Variants in SPATA13 observed in about 807,000 individuals in gnomAD.
SPATA13 encodes the protein spermatogenesis-associated protein 13.
A neutral mutation model predicts 104.0 loss-of-function variants in SPATA13; 50 were observed. The observed-to-expected ratio is 0.48, with a 90% CI of 0.38 to 0.61. SPATA13 has a LOEUF of 0.61. SPATA13 is among the 20% of genes least tolerant of loss of function. The pLI, the probability that SPATA13 is intolerant of heterozygous loss-of-function variation, is 0.00. For missense variants in SPATA13, 1,524 were observed against 1,690.6 expected (o/e 0.90, Z 1.73); for synonymous variants, 606 against 667.5 (o/e 0.91, Z 1.42).
At chr13:23,994,041 T>C (rs1006625568) in intron 2 of SPATA13, among the ~76,000 whole-genome samples, 2 of 151,284 alleles carry the variant, frequency 1.3e-5, no homozygotes, top group East Asian at 3.9e-4. Context: ...TTCTCAATTA[T>C]GAAGTGATTG....
At chr13:24,035,313 C>G (rs960778311) in intron 3 of SPATA13, among the ~76,000 whole-genome samples, 4 of 152,166 alleles carry the variant, frequency 2.6e-5, no homozygotes, top group African/African-American at 9.7e-5. Context: ...CACCAACACA[C>G]CCAGCTAATT....
chr13:24,278,693 C>G (rs746972694), intron 4 of SPATA13: 29 of 1,543,178 alleles, frequency 1.9e-5, no homozygotes, highest in Non-Finnish European at 2.3e-5. Flanking sequence ...TATAAACAAC[C>G]CTGAGAGATG....
At chr13:24,002,183 C>CA (rs1876008289) in intron 2 of SPATA13, among the ~76,000 whole-genome samples, 1 of 152,048 alleles carries the variant, frequency 6.6e-6, no homozygotes, top group South Asian at 2.1e-4. Context: ...CATTTACAAG[C>CA]AGAGGTCTAA....
intron 2 of SPATA13, among the ~76,000 whole-genome samples, chr13:24,231,576 T>C (rs934476299): frequency 1.3e-5 from 2 of 152,214 alleles, no homozygotes; most frequent in African/African-American, 4.8e-5. Flanking sequence ...TACATACAAG[T>C]CCTTGGGTGG....
chr13:24,270,796 G>A, intron 4 of SPATA13: 1 of 1,611,678 alleles, frequency 6.2e-7, no homozygotes, highest in Non-Finnish European at 8.5e-7. Context: ...TGATGCTTGG[G>A]GACCGGCTCC....
chr13:24,113,653 C>G (rs1034019740), intron 3 of SPATA13, among the ~76,000 whole-genome samples: 1 of 151,372 alleles, frequency 6.6e-6, no homozygotes. Flanking sequence ...AGGCAGATCA[C>G]GAGGTCAGGA....
chr13:24,022,051 CTTTT>C (rs780493002), intron 3 of SPATA13, among the ~76,000 whole-genome samples: 2 of 130,856 alleles, frequency 1.5e-5, no homozygotes, highest in Non-Finnish European at 3.3e-5. Flanking sequence ...TCTTTTCTTT[CTTTT>C]TTTTTTTTTT....
intron 1 of SPATA13, among the ~76,000 whole-genome samples, chr13:24,212,673 T>C (rs1284130660): frequency 1.3e-5 from 2 of 152,186 alleles, no homozygotes; most frequent in Non-Finnish European, 2.9e-5. Context: ...CATTGATTTT[T>C]AAATTAAGTT....
intron 3 of SPATA13, among the ~76,000 whole-genome samples, chr13:24,134,425 G>A (rs1005240439): frequency 6.6e-6 from 1 of 152,184 alleles, no homozygotes; most frequent in African/African-American, 2.4e-5. Flanking sequence ...TATCACAGAG[G>A]CAGATGGGTG....
chr13:24,219,746 G>C (rs1249968004), intron 1 of SPATA13, among the ~76,000 whole-genome samples: 2 of 152,200 alleles, frequency 1.3e-5, no homozygotes, highest in Non-Finnish European at 2.9e-5. Context: ...TGGGGAAGGA[G>C]ACACCTGCAG....
intron 3 of SPATA13, among the ~76,000 whole-genome samples, chr13:24,082,992 T>C (rs1879592197): frequency 6.6e-6 from 1 of 152,246 alleles, no homozygotes; most frequent in African/African-American, 2.4e-5. Flanking sequence ...TGCTTCTGAC[T>C]ATAAATCTAA....
chr13:24,054,680 GC>G (rs1224966008), intron 3 of SPATA13, among the ~76,000 whole-genome samples: 1 of 152,118 alleles, frequency 6.6e-6, no homozygotes, highest in African/African-American at 2.4e-5. Flanking sequence ...AATAATAGTA[GC>G]GCACCGTTAA....
At chr13:24,020,564 A>G (rs1468098034) in intron 3 of SPATA13, among the ~76,000 whole-genome samples, 2 of 152,238 alleles carry the variant, frequency 1.3e-5, no homozygotes, top group Non-Finnish European at 2.9e-5. Flanking sequence ...ACAGTCCATC[A>G]GGCTAAACTA....
chr13:24,134,613 G>A (rs1005812034), intron 3 of SPATA13, among the ~76,000 whole-genome samples: 4 of 152,112 alleles, frequency 2.6e-5, no homozygotes, highest in African/African-American at 9.7e-5. Context: ...TAGAGACCCT[G>A]GATATGCCAT....
chr13:24,070,224 T>C (rs576308181), intron 3 of SPATA13, among the ~76,000 whole-genome samples: 2 of 152,274 alleles, frequency 1.3e-5, no homozygotes, highest in African/African-American at 2.4e-5. Context: ...CCCATCCAAA[T>C]TGGTTTGCAC....
At position 24,303,222 on chromosome 13, in the gene SPATA13, C is replaced by T. The variant is rs577013959; in HGVS notation, c.*449C>T. The T allele has an allele frequency of 2.3e-5, 10 of 427,904 alleles. No homozygotes were observed. Among genetic ancestry groups the T allele is most frequent in the African/African-American group, 1.6e-4 (8 of 49,266 alleles). 26.5% of individuals were successfully genotyped at this position (427,904 alleles called of 1,614,324 possible). On this transcript the variant is annotated 3_prime_UTR_variant, in exon 13 of 13. Coordinates refer to ENST00000382108, the MANE Select transcript of SPATA13 (RefSeq NM_001166271.3). Reference sequence around the variant, plus strand: ...GGATGCCGTCAAGACGGGGTTGACACAATGCTGCACGTGTCTGGTCACACT... The same window carrying T: ...GGATGCCGTCAAGACGGGGTTGACATAATGCTGCACGTGTCTGGTCACACT...
intron 3 of SPATA13, among the ~76,000 whole-genome samples, chr13:24,072,064 A>G (rs78045275): frequency 6.6e-5 from 10 of 152,188 alleles, no homozygotes; most frequent in Non-Finnish European, 7.3e-5. Flanking sequence ...CACATGTCCA[A>G]TCAAGAATAT....
chr13:24,068,845 C>T (rs978873104), intron 3 of SPATA13, among the ~76,000 whole-genome samples: 1 of 152,110 alleles, frequency 6.6e-6, no homozygotes, highest in African/African-American at 2.4e-5. Context: ...ATGTCCTTTT[C>T]CCACTTTTTA....
chr13:24,180,905 G>A (rs998293520), intron 1 of SPATA13, among the ~76,000 whole-genome samples: 4 of 152,154 alleles, frequency 2.6e-5, no homozygotes, highest in African/African-American at 9.7e-5. Flanking sequence ...TTGTCAGAGT[G>A]TACTTACACA....
Sources: gnomAD v4.1 joint callset for allele counts (sites outside exome capture counted in the v4.1 genomes callset) on GRCh38, gnomAD v4.1.1 for gene constraint, MANE v1.5 for transcripts, NCBI Gene and HGNC (gene_info 2026-07-23, HGNC 2026-07-21) for gene names.